The following PSEN2 variants were observed in gnomAD, a reference collection of about 807,000 sequenced individuals.
The protein encoded by PSEN2 is presenilin 2.
In PSEN2, 32 loss-of-function variants were observed where a neutral mutation model predicts 49.1. The observed-to-expected ratio is 0.65, with a 90% CI of 0.49 to 0.88. The LOEUF (loss-of-function observed/expected upper bound fraction) is 0.88. PSEN2 is among the 40% of genes least tolerant of loss of function. The probability of loss-of-function intolerance (pLI) is 0.00; values close to 1 mark genes in which losing one functional copy is unlikely to be tolerated. For synonymous variants in PSEN2, 255 were observed against 244.0 expected (o/e 1.05, Z -0.42); for missense variants, 522 against 586.9 (o/e 0.89, Z 1.14).
Position 226,891,783 on chromosome 1 carries a change from CGAAGTCT to C in PSEN2, c.1012_1018del (p.Glu338LeufsTer5). On this transcript the variant is annotated frameshift_variant, in exon 11 of 13. Transcript: ENST00000366783. LOFTEE classifies it high-confidence loss of function. ...ACAGTTTTGGGGAGCCTTCATACCCCGAAGTCTTTGAGCCTCCCTTGACTGGCTACCC... is the reference window on the plus strand; with the variant it reads ...ACAGTTTTGGGGAGCCTTCATACCCCTTGAGCCTCCCTTGACTGGCTACCC... 6.2e-7 allele frequency: 1 copy of C among 1,614,150 alleles called. No homozygotes were observed. The highest frequency in any genetic ancestry group is 8.5e-7 in the Non-Finnish European group (1 of 1,180,016).
At chr1:226,880,756 G>A (rs1192872121) in intron 3 of PSEN2, 8 of 1,612,408 alleles carry the variant, frequency 5.0e-6, no homozygotes, top group South Asian at 1.1e-5. Context: ...GTACTACTGT[G>A]TGAAACCCCA....
downstream of PSEN2, among the ~76,000 whole-genome samples, chr1:226,896,426 T>A (rs1161641701): frequency 1.3e-5 from 2 of 152,202 alleles, no homozygotes; most frequent in Non-Finnish European, 2.9e-5. Flanking sequence ...GTGTTCACCC[T>A]CTGCAGAAGC....
At chr1:226,871,677 A>G (rs1400539352) in intron 2 of PSEN2, among the ~76,000 whole-genome samples, 1 of 152,242 alleles carries the variant, frequency 6.6e-6, no homozygotes, top group African/African-American at 2.4e-5. Flanking sequence ...GACCGACCCC[A>G]GCTTCCAGTA....
chr1:226,885,725 C>T, intron 6 of PSEN2, 46 bp downstream of exon 6: 1 of 1,599,918 alleles, frequency 6.3e-7, no homozygotes, highest in Non-Finnish European at 8.5e-7. Context: ...CTCCGTCTGC[C>T]CCACACCATG....
In PSEN2 at chr1:226,883,751, A is replaced by C; in HGVS notation, c.188A>C (p.Tyr63Ser). 6.2e-7 allele frequency: 1 copy of C among 1,614,006 alleles called. No individual in the cohort carries two copies. The highest frequency in any genetic ancestry group is 8.5e-7 in the Non-Finnish European group (1 of 1,179,994). Residue 63 changes from tyrosine (Y) to serine (S), a missense_variant, in exon 5 of 13, where the codon TAT becomes TCT. Transcript: ENST00000366783. ...GACGGTGAGGAGGACCCTGACCGCT[A>C]TGTCTGTAGTGGGGTTCCCGGGCGG... ...EEDGEEDPDR[Y>S]VCSGVPGRPP... is the part of the protein sequence containing the mutation.
chr1:226,894,058 G>C lies in PSEN2; in HGVS notation c.1124G>C (p.Gly375Ala), dbSNP rs1347757721. 6.2e-7 allele frequency: 1 copy of C among 1,614,104 alleles called. No homozygotes were observed. The highest frequency in any genetic ancestry group is 1.3e-5 in the African/African-American group (1 of 74,946). Residue 375 changes from glycine to alanine, a missense_variant, in exon 12 of 13, where the codon GGC becomes GCC. Transcript: ENST00000366783. The part of the protein sequence containing the change: ...GDFIFYSVLV[G>A]KAAATGSGDW... Reference sequence around the variant, plus strand: ...TTCATCTTCTACAGTGTGCTGGTGGGCAAGGCGGCTGCCACGGGCAGCGGG... The same window carrying C: ...TTCATCTTCTACAGTGTGCTGGTGGCCAAGGCGGCTGCCACGGGCAGCGGG...
chr1:226,881,386 C>T (rs534795975), intron 3 of PSEN2, among the ~76,000 whole-genome samples: 4 of 152,340 alleles, frequency 2.6e-5, no homozygotes, highest in African/African-American at 9.6e-5. Context: ...CAGATAGGCT[C>T]TTCTCTAGAA....
rs1661495043 is a variant in PSEN2, at chr1:226,888,141, C to T, written c.549C>T (p.Phe183=). The T allele has an allele frequency of 6.2e-7, 1 of 1,613,332 alleles. No homozygotes were observed. Among genetic ancestry groups the T allele is most frequent in the Non-Finnish European group, 8.5e-7 (1 of 1,179,294 alleles). ...IMSSLMLLFL[F]TYIYLGEVLK... is the part of the protein sequence containing the mutation. ...CTTCACTGATGCTGCTGTTCCTCTT[C>T]ACCTATATCTACCTTGGGTAAGTGA... Residue 183 remains phenylalanine (F), a synonymous_variant, in exon 7 of 13, where the codon TTC becomes TTT. Transcript: ENST00000366783.
intron 2 of PSEN2, among the ~76,000 whole-genome samples, chr1:226,873,219 C>T (rs548047960): frequency 3.3e-5 from 5 of 151,986 alleles, no homozygotes; most frequent in African/African-American, 1.2e-4. Context: ...CAGGAAAGAT[C>T]AGATGTCAGT....
At chr1:226,890,206 C>T (rs1661653758) in intron 9 of PSEN2, 73 bp downstream of exon 9, 1 of 1,300,404 alleles carries the variant, frequency 7.7e-7, no homozygotes, top group Non-Finnish European at 1.1e-6. Context: ...GGGCCTGCTT[C>T]CTGGCCGTGG....
intron 2 of PSEN2, among the ~76,000 whole-genome samples, chr1:226,874,150 T>C (rs1571933843): frequency 6.6e-6 from 1 of 152,198 alleles, no homozygotes; most frequent in Admixed American, 6.5e-5. Context: ...GACACATACC[T>C]GCCCGTGGTG....
intron 3 of PSEN2, among the ~76,000 whole-genome samples, chr1:226,880,301 C>T (rs1366808022): frequency 6.6e-6 from 1 of 152,158 alleles, no homozygotes; most frequent in Admixed American, 6.5e-5. Flanking sequence ...TGCTTGAACC[C>T]AGGAGTTCAA....
At chr1:226,894,802 C>T (rs1230685916) in intron 12 of PSEN2, among the ~76,000 whole-genome samples, 1 of 152,182 alleles carries the variant, frequency 6.6e-6, no homozygotes, top group African/African-American at 2.4e-5. Flanking sequence ...CTCCAGTGTC[C>T]AGAAGGTTTT....
intron 4 of PSEN2, among the ~76,000 whole-genome samples, chr1:226,883,271 A>G (rs1366552243): frequency 6.6e-6 from 1 of 152,096 alleles, no homozygotes; most frequent in Non-Finnish European, 1.5e-5. Context: ...TCACACGCAA[A>G]GAGAGTGTCC....
intron 8 of PSEN2, 113 bp from the exon 9 acceptor site, chr1:226,889,922 C>T (rs547219518): frequency 1.7e-5 from 15 of 864,526 alleles, no homozygotes; most frequent in Non-Finnish European, 2.7e-5. Flanking sequence ...GATGCCAGCC[C>T]AGAGGCAAGG....
chr1:226,890,259 C>G, intron 9 of PSEN2, 126 bp downstream of exon 9: 1 of 799,784 alleles, frequency 1.3e-6, no homozygotes, highest in Non-Finnish European at 2.2e-6. Context: ...TCTCCACTTT[C>G]AGAAGCCAGG....
intron 2 of PSEN2, among the ~76,000 whole-genome samples, chr1:226,872,993 C>T (rs1660404164): frequency 6.6e-6 from 1 of 152,146 alleles, no homozygotes; most frequent in African/African-American, 2.4e-5. Context: ...GCCTGACCAA[C>T]ATGGAGAAAC....
chr1:226,875,326 G>C (rs1367457367), intron 2 of PSEN2, 39 bp from the exon 3 acceptor site: 1 of 152,282 alleles, frequency 6.6e-6, no homozygotes, highest in South Asian at 2.1e-4. Context: ...CAATTGTCTG[G>C]GTATCACCTG....
intron 12 of PSEN2, among the ~76,000 whole-genome samples, chr1:226,895,148 G>A (rs1662047028): frequency 6.6e-6 from 1 of 152,232 alleles, no homozygotes; most frequent in South Asian, 2.1e-4. Flanking sequence ...CCAGACAGGG[G>A]AGGCAGCACG....
Sources: gnomAD v4.1 joint callset for allele counts (sites outside exome capture counted in the v4.1 genomes callset) on GRCh38, gnomAD v4.1.1 for gene constraint, MANE v1.5 for transcripts, NCBI Gene and HGNC (gene_info 2026-07-23, HGNC 2026-07-21) for gene names.